COL5A2: variants seen among roughly 807,000 people sequenced by gnomAD.
The protein encoded by COL5A2 is collagen alpha-2(V) chain.
In COL5A2, 23 loss-of-function variants were observed where a neutral mutation model predicts 208.2. The ratio of observed to expected loss-of-function variants is 0.11; its 90% CI spans 0.08 to 0.16. The LOEUF (loss-of-function observed/expected upper bound fraction) is 0.16, where lower values mean the gene tolerates loss of function less well. Ranked by LOEUF, COL5A2 falls within the 10% of genes least tolerant of loss-of-function variation. The pLI, the probability that COL5A2 is intolerant of heterozygous loss-of-function variation, is 1.00. For missense variants in COL5A2, 1,590 were observed against 1,956.4 expected, an observed-to-expected ratio of 0.81 and a Z score of 3.53; for synonymous variants, 625 against 628.5, an observed-to-expected ratio of 0.99 and a Z score of 0.08.
At chr2:189,292,454 G>A in the COL5A2 span, among the ~76,000 whole-genome samples, 3 of 152,130 alleles carry the variant, frequency 2.0e-5, no homozygotes, top group African/African-American at 4.8e-5. Flanking sequence ...GACATGAACA[G>A]ACACTTCTCA....
intron 35 of COL5A2, among the ~76,000 whole-genome samples, chr2:189,055,172 C>T (rs897455451): frequency 6.6e-6 from 1 of 152,126 alleles, no homozygotes; most frequent in African/African-American, 2.4e-5. Context: ...CGTGAGCCAT[C>T]GCGCCCAGCC....
At chr2:189,417,264 G>A in the COL5A2 span, among the ~76,000 whole-genome samples, 7 of 151,724 alleles carry the variant, frequency 4.6e-5, no homozygotes, top group Non-Finnish European at 7.4e-5. Context: ...AACATATTAC[G>A]GCATCACTAA....
intron 6 of COL5A2, among the ~76,000 whole-genome samples, chr2:189,093,593 A>G (rs1686835371): frequency 6.6e-6 from 1 of 152,208 alleles, no homozygotes; most frequent in Non-Finnish European, 1.5e-5. Context: ...AGACATATTT[A>G]CTTCTTGCAG....
At chr2:189,305,063 T>C in the COL5A2 span, among the ~76,000 whole-genome samples, 3 of 152,174 alleles carry the variant, frequency 2.0e-5, no homozygotes, top group Admixed American at 6.5e-5. Context: ...AGGAAAATAC[T>C]AACAAAAGCT....
At chr2:189,437,470 AT>A in the COL5A2 span, among the ~76,000 whole-genome samples, 3 of 152,174 alleles carry the variant, frequency 2.0e-5, no homozygotes, top group Non-Finnish European at 2.9e-5. Flanking sequence ...ATTTCAAACC[AT>A]TCTAAAATTT....
chr2:189,158,146 T>G (rs1688291505), intron 1 of COL5A2, among the ~76,000 whole-genome samples: 1 of 152,090 alleles, frequency 6.6e-6, no homozygotes, highest in African/African-American at 2.4e-5. Flanking sequence ...CAGTAATAGC[T>G]ACAGATATGT....
chr2:189,159,305 T>C (rs932101239), intron 1 of COL5A2, among the ~76,000 whole-genome samples: 3 of 152,194 alleles, frequency 2.0e-5, no homozygotes, highest in Admixed American at 6.5e-5. Flanking sequence ...GCTAATTGTA[T>C]CTCTCATATT....
chr2:189,308,862 T>C, the COL5A2 span, among the ~76,000 whole-genome samples: 46 of 152,168 alleles, frequency 3.0e-4, no homozygotes, highest in Non-Finnish European at 4.9e-4. Flanking sequence ...CTAAAACATA[T>C]AAAACCAAGC....
the COL5A2 span, among the ~76,000 whole-genome samples, chr2:189,312,331 C>T: frequency 6.6e-6 from 1 of 152,106 alleles, no homozygotes; most frequent in Non-Finnish European, 1.5e-5. Context: ...CCTGCCAGAC[C>T]CCTGGCCATT....
At chr2:189,074,310 T>C (rs1234227388) in intron 17 of COL5A2, among the ~76,000 whole-genome samples, 3 of 152,088 alleles carry the variant, frequency 2.0e-5, no homozygotes, top group Non-Finnish European at 4.4e-5. Context: ...TAGATCTAGT[T>C]ATAAGTATTC....
At chr2:189,200,639 G>C (rs1313053753) in intron 1 of COL5A2, among the ~76,000 whole-genome samples, 2 of 146,072 alleles carry the variant, frequency 1.4e-5, no homozygotes, top group African/African-American at 5.1e-5. Context: ...CTCAGAAAAT[G>C]TCAAGCAGAA....
chr2:189,042,570 A>G, intron 49 of COL5A2, 150 bp downstream of exon 49: 1 of 717,236 alleles, frequency 1.4e-6, no homozygotes, highest in Non-Finnish European at 2.5e-6. Context: ...ATTAATTGCT[A>G]AATAGCTTGT....
intron 1 of COL5A2, among the ~76,000 whole-genome samples, chr2:189,164,664 T>C (rs1451468076): frequency 6.6e-6 from 1 of 152,288 alleles, no homozygotes; most frequent in African/African-American, 2.4e-5. Context: ...AACACCTTTA[T>C]GTAATATAAT....
Position 189,188,607 on chromosome 2 carries a change from T to C in COL5A2, c.-42+36541A>G, listed in dbSNP as rs1184078891. ...CTTCCCCTGAGAGAAGCTTTTTAAATGGCAGGACTAGGCACAGGCTACAAA... is the reference window on the plus strand; with the variant it reads ...CTTCCCCTGAGAGAAGCTTTTTAAACGGCAGGACTAGGCACAGGCTACAAA... On this transcript the variant is annotated intron_variant, in intron 1 of 10. Transcript: ENST00000649966. Among the ~76,000 whole-genome samples the C allele has an allele frequency of 2.6e-5, 4 of 152,204 alleles. No individual in the cohort carries two copies. In the East Asian group the frequency reaches 7.7e-4, roughly 29 times the overall value.
chr2:189,054,328 G>T, intron 35 of COL5A2, 116 bp from the exon 36 acceptor site: 1 of 748,310 alleles, frequency 1.3e-6, no homozygotes, highest in East Asian at 2.6e-5. Context: ...GGCTGCCTTT[G>T]CAAATCATTA....
At chr2:189,188,230 C>T (rs1688879768) in intron 1 of COL5A2, among the ~76,000 whole-genome samples, 1 of 152,148 alleles carries the variant, frequency 6.6e-6, no homozygotes, top group Non-Finnish European at 1.5e-5. Context: ...GCAAAAATTT[C>T]CACCATTTGG....
the COL5A2 span, among the ~76,000 whole-genome samples, chr2:189,331,971 G>A: frequency 1.3e-5 from 2 of 150,360 alleles, no homozygotes; most frequent in Non-Finnish European, 3.0e-5. Context: ...AAAAACTGGT[G>A]ACAATAAGGA....
the COL5A2 span, among the ~76,000 whole-genome samples, chr2:189,351,629 T>C: frequency 1.3e-5 from 2 of 152,150 alleles, no homozygotes; most frequent in Non-Finnish European, 2.9e-5. Context: ...TGCTGCTATG[T>C]GCAAGTATTG....
At chr2:189,229,984 G>C (rs1689460701), upstream of COL5A2, among the ~76,000 whole-genome samples, 1 of 151,772 alleles carries the variant, frequency 6.6e-6, no homozygotes, top group African/African-American at 2.4e-5. Context: ...CATAAACACA[G>C]ACATATAGGC....
Sources: gnomAD v4.1 joint callset for allele counts (sites outside exome capture counted in the v4.1 genomes callset) on GRCh38, gnomAD v4.1.1 for gene constraint, MANE v1.5 for transcripts, NCBI Gene and HGNC (gene_info 2026-07-23, HGNC 2026-07-21) for gene names.